CNTNAP4: variants seen among roughly 807,000 people sequenced by gnomAD.
CNTNAP4 encodes contactin associated protein family member 4.
A neutral mutation model predicts 148.4 loss-of-function variants in CNTNAP4; 98 were observed. The observed-to-expected ratio is 0.66, with a 90% CI of 0.56 to 0.78. CNTNAP4 has a LOEUF of 0.78. Ranked by LOEUF, CNTNAP4 falls within the 30% of genes least tolerant of loss-of-function variation. The pLI, the probability that CNTNAP4 is intolerant of heterozygous loss-of-function variation, is 0.00. For missense variants in CNTNAP4, 1,935 were observed against 1,565.6 expected, an observed-to-expected ratio of 1.24 and a Z score of -3.98; for synonymous variants, 730 against 565.1, an observed-to-expected ratio of 1.29 and a Z score of -4.14.
In CNTNAP4 at chr16:76,313,037, A is replaced by C. The variant is rs562262592; in HGVS notation, c.86-3376A>C. 4.3e-4 allele frequency among the ~76,000 whole-genome samples: 66 copies of C among 152,298 alleles called. 1 individual carries two copies. The South Asian group carries it at 0.012, about 27-fold the overall frequency. On this transcript the variant is annotated intron_variant, in intron 1 of 23. Coordinates refer to ENST00000611870, the MANE Select transcript of CNTNAP4 (RefSeq NM_033401.5). ...ATGTAACCACCAAGGCCAACAACCA[A>C]AACTTGACCAAATATCACAAGCCTC...
chr16:76,513,065 A>C (rs2083090626), intron 15 of CNTNAP4, among the ~76,000 whole-genome samples: 1 of 152,174 alleles, frequency 6.6e-6, no homozygotes, highest in African/African-American at 2.4e-5. Context: ...AAGTATGATC[A>C]CGAGAGTGGG....
chr16:76,333,729 GATCTCTTCCTCC>G (rs1963750753), intron 2 of CNTNAP4, among the ~76,000 whole-genome samples: 1 of 143,044 alleles, frequency 7.0e-6, no homozygotes, highest in South Asian at 2.3e-4. Flanking sequence ...AAAATCAGAT[GATCTCTTCCTCC>G]ATAAAGGGTC....
chr16:76,465,432 T>A (rs1042041842), intron 9 of CNTNAP4, among the ~76,000 whole-genome samples: 13 of 152,188 alleles, frequency 8.5e-5, no homozygotes, highest in African/African-American at 2.4e-5. Context: ...TAGTATGCTT[T>A]CTGTAAAATT....
chr16:76,313,399 A>G (rs539079357), intron 1 of CNTNAP4, among the ~76,000 whole-genome samples: 22 of 152,282 alleles, frequency 1.4e-4, no homozygotes, highest in African/African-American at 5.1e-4. Context: ...CCCTCCTTCC[A>G]TATACATAAT....
chr16:76,526,317 T>C (rs1394480662), intron 17 of CNTNAP4, among the ~76,000 whole-genome samples: 1 of 151,962 alleles, frequency 6.6e-6, no homozygotes, highest in African/African-American at 2.4e-5. Flanking sequence ...TTAGGGAAAG[T>C]ATGATGGGAA....
chr16:76,326,914 C>T (rs916337260), intron 2 of CNTNAP4, among the ~76,000 whole-genome samples: 4 of 151,444 alleles, frequency 2.6e-5, no homozygotes. Flanking sequence ...CAAACCTGCA[C>T]GTTGTGCACA....
chr16:76,469,478 A>T (rs899396325), intron 10 of CNTNAP4: 1 of 152,170 alleles, frequency 6.6e-6, no homozygotes, highest in Non-Finnish European at 1.5e-5. Context: ...AGCAGCCATC[A>T]GGGAAACTGG....
Position 76,489,713 on chromosome 16 carries a change from A to G in CNTNAP4, c.1910A>G (p.Asn637Ser), listed in dbSNP as rs775793078. 3 of 1,602,812 alleles carry G rather than the reference A, an allele frequency of 1.9e-6. No individual in the cohort carries two copies. Among genetic ancestry groups the G allele is most frequent in the Non-Finnish European group, 1.7e-6 (2 of 1,173,356 alleles). Residue 637 changes from asparagine to serine, a missense_variant, in exon 13 of 24, where the codon AAC becomes AGC. Physicochemically the swap from Asn to Ser is conservative, Grantham distance 46. Coordinates refer to ENST00000611870, the MANE Select transcript of CNTNAP4 (RefSeq NM_033401.5). ...ACTGCATGGACCATCATACAGCACA[A>G]CGGCTCTGACTTAACAAGAGTCAGA... The part of the protein sequence containing the change: ...TETAWTIIQH[N>S]GSDLTRVRNT...
intron 17 of CNTNAP4, among the ~76,000 whole-genome samples, chr16:76,524,044 C>A (rs2083604638): frequency 6.6e-6 from 1 of 152,090 alleles, no homozygotes; most frequent in African/African-American, 2.4e-5. Context: ...TCTTATTAAC[C>A]CTCTCTCACT....
chr16:76,410,318 T>C lies in CNTNAP4; in HGVS notation c.391-17134T>C, dbSNP rs1000528018. Among the ~76,000 whole-genome samples, 5 of 151,764 alleles carry C rather than the reference T, an allele frequency of 3.3e-5. No individual in the cohort carries two copies. The South Asian group carries it at 1.0e-3, about 32-fold the overall frequency. On this transcript the variant is annotated intron_variant, in intron 3 of 23. Coordinates refer to ENST00000611870, the MANE Select transcript of CNTNAP4 (RefSeq NM_033401.5). ...ATGAGATTTTGTCATCTGTGTTGAG[T>C]AGAAGAAATATTTCCCAAATTTCAG...
At chr16:76,470,712 C>T (rs183122460) in intron 10 of CNTNAP4, among the ~76,000 whole-genome samples, 11 of 150,490 alleles carry the variant, frequency 7.3e-5, no homozygotes, top group East Asian at 1.9e-4. Context: ...AACAATCTGA[C>T]GGGAACTTAA....
In CNTNAP4 at chr16:76,522,258, G is replaced by T; in HGVS notation, c.2755+1G>T. ...CAGCTCAACAGTCAGCTCTTCGTGG[G>T]TAAGTTCTCTTTTTAAGCAATCATT... is the stretch of plus-strand genomic sequence containing the variant. On this transcript the variant is annotated splice_donor_variant, in intron 17 of 23. Transcript: ENST00000611870. LOFTEE classifies it high-confidence loss of function. 3 of 1,613,108 alleles carry T rather than the reference G, an allele frequency of 1.9e-6. No individual in the cohort carries two copies. The highest frequency in any genetic ancestry group is 2.5e-6 in the Non-Finnish European group (3 of 1,179,468).
chr16:76,277,574 C>T lies in CNTNAP4; in HGVS notation c.-89C>T, dbSNP rs1958522552. On this transcript the variant is annotated 5_prime_UTR_variant, in exon 1 of 24. Transcript: ENST00000611870. ...CAGAGACCTAGAGGGGCTGAAGACC[C>T]AGACAGAGCTGGCAGAGCTACTGAG... 3.5e-6 allele frequency: 3 copies of T among 847,792 alleles called. No homozygotes were observed. The highest frequency in any genetic ancestry group is 1.7e-5 in the African/African-American group (1 of 59,466). The allele number at this position is 847,792 out of a possible 1,614,324, so 52.5% of individuals were successfully genotyped here.
chr16:76,340,197 A>G (rs144887166), intron 2 of CNTNAP4, among the ~76,000 whole-genome samples: 1 of 152,260 alleles, frequency 6.6e-6, no homozygotes, highest in African/African-American at 2.4e-5. Flanking sequence ...GGGACTGGTT[A>G]TTTAAGAGGC....
rs1370106224 is a variant in CNTNAP4 at position 76,373,154 on chromosome 16, TG to T, written c.390+17644del. The stretch of plus-strand genomic sequence containing the variant: ...GGTGAATATATTCCACATAAATAGG[TG>T]AATATATTCCACATAAATAGGTGAA... On this transcript the variant is annotated intron_variant, in intron 3 of 23. Transcript: ENST00000611870. Among the ~76,000 whole-genome samples the T allele has an allele frequency of 4.5e-4, 69 of 151,680 alleles. 5 individuals carry two copies. The highest frequency in any genetic ancestry group is 3.7e-3 in the East Asian group (19 of 5,150).
In CNTNAP4 at chr16:76,366,560, G is replaced by A. The variant is rs143206311; in HGVS notation, c.390+11049G>A. The stretch of plus-strand genomic sequence containing the variant: ...TGATGGGCATTTATGTTGATTCCAT[G>A]TCTTTGCTATTGTGACTAGTGCTGC... On this transcript the variant is annotated intron_variant, in intron 3 of 23. Coordinates refer to ENST00000611870, the MANE Select transcript of CNTNAP4 (RefSeq NM_033401.5). Among the ~76,000 whole-genome samples the A allele has an allele frequency of 3.5e-3, 539 of 152,162 alleles. 3 individuals carry two copies. The highest frequency in any genetic ancestry group is 0.012 in the African/African-American group (510 of 41,512).
intron 3 of CNTNAP4, among the ~76,000 whole-genome samples, chr16:76,356,621 A>G (rs1324231793): frequency 6.6e-6 from 1 of 151,950 alleles, no homozygotes; most frequent in Non-Finnish European, 1.5e-5. Context: ...GGCTAAGAAC[A>G]ATGTACTGCA....
chr16:76,411,894 C>G (rs2078810127), intron 3 of CNTNAP4, among the ~76,000 whole-genome samples: 1 of 151,344 alleles, frequency 6.6e-6, no homozygotes. Flanking sequence ...AGTGAAAATG[C>G]TATGTAAATG....
At chr16:76,540,312 C>G in intron 20 of CNTNAP4, among the ~76,000 whole-genome samples, 1 of 151,972 alleles carries the variant, frequency 6.6e-6, no homozygotes, top group East Asian at 1.9e-4. Context: ...AAGAAAATTT[C>G]TTAGCTGCCT....
Sources: allele counts gnomAD v4.1 joint callset (sites outside exome capture counted in the v4.1 genomes callset), GRCh38; gene constraint gnomAD v4.1.1; transcripts MANE v1.5; gene names NCBI Gene and HGNC (gene_info 2026-07-23, HGNC 2026-07-21).